MOK: variants seen among roughly 807,000 people sequenced by gnomAD.
MOK encodes the protein MAPK/MAK/MRK overlapping kinase.
In MOK, 59 loss-of-function variants were observed where a neutral mutation model predicts 54.2. That is an observed-to-expected ratio of 1.09 (90% CI 0.88 to 1.35). The LOEUF is 1.35. MOK is among the 40% of genes most tolerant of loss of function. The pLI, the probability that MOK is intolerant of heterozygous loss-of-function variation, is 0.00. For missense variants in MOK, 517 were observed against 526.2 expected, an observed-to-expected ratio of 0.98 and a Z score of 0.17; for synonymous variants, 210 against 202.7, an observed-to-expected ratio of 1.04 and a Z score of -0.31.
At chr14:102,268,106 C>T (rs1237760325) in intron 2 of MOK, among the ~76,000 whole-genome samples, 1 of 152,116 alleles carries the variant, frequency 6.6e-6, no homozygotes, top group Non-Finnish European at 1.5e-5. Flanking sequence ...AACCGGGCAG[C>T]CAAACAGCTA....
chr14:102,300,465 C>G (rs745423449), intron 1 of MOK, among the ~76,000 whole-genome samples: 4 of 151,758 alleles, frequency 2.6e-5, no homozygotes, highest in Non-Finnish European at 5.9e-5. Context: ...GGGAGGATTG[C>G]CTGAGCCCAG....
At position 102,265,830 on chromosome 14, in the gene MOK, C is replaced by T; in HGVS notation, c.205G>A (p.Val69Met). 1 of 1,613,390 alleles carries T rather than the reference C, an allele frequency of 6.2e-7. No homozygotes were observed. The highest frequency in any genetic ancestry group is 8.5e-7 in the Non-Finnish European group (1 of 1,179,426). ...PHPNILMLHEVVFDRKSGSLA... is the reference protein window; with the variant it reads ...PHPNILMLHEMVFDRKSGSLA... ...AGCTCCAAATATACTTACAAAACCA[C>T]TTCATGCAACATAAGAATGTTTGGG... Residue 69 changes from valine to methionine, a missense_variant, in exon 3 of 12, where the codon GTG becomes ATG. Physicochemically the swap from Val to Met is conservative, Grantham distance 21. Transcript: ENST00000361847.
At chr14:102,301,231 A>C (rs2072156305) in intron 1 of MOK, among the ~76,000 whole-genome samples, 1 of 152,224 alleles carries the variant, frequency 6.6e-6, no homozygotes, top group Non-Finnish European at 1.5e-5. Context: ...TGTTCCTTTA[A>C]GCCACAAAAT....
downstream of MOK, among the ~76,000 whole-genome samples, chr14:102,227,519 A>G (rs2064298814): frequency 6.6e-6 from 1 of 152,082 alleles, no homozygotes; most frequent in Non-Finnish European, 1.5e-5. Context: ...AGGGTCTCAA[A>G]TGGGTTTAAA....
intron 1 of MOK, among the ~76,000 whole-genome samples, chr14:102,297,497 T>C (rs2071564621): frequency 6.6e-6 from 1 of 152,266 alleles, no homozygotes; most frequent in African/African-American, 2.4e-5. Context: ...GATAGCGTGC[T>C]GGCAGCCCTT....
At chr14:102,271,568 T>C (rs1416922632) in intron 2 of MOK, among the ~76,000 whole-genome samples, 1 of 151,600 alleles carries the variant, frequency 6.6e-6, no homozygotes, top group African/African-American at 2.4e-5. Flanking sequence ...AACAAAAACT[T>C]TTTTTTTTAA....
chr14:102,229,130 G>T lies in MOK; in HGVS notation c.*159C>A, dbSNP rs975954054. On this transcript the variant is annotated 3_prime_UTR_variant, in exon 12 of 12. Transcript: ENST00000361847. Reference sequence around the variant, plus strand: ...ATCCTAGGCAGCTGCGCGGGCCGCGGGTGCGGCAGGGCGCAGGGCAGCACC... The same window carrying T: ...ATCCTAGGCAGCTGCGCGGGCCGCGTGTGCGGCAGGGCGCAGGGCAGCACC... 1.0e-5 allele frequency: 7 copies of T among 701,870 alleles called. No homozygotes were observed. Among genetic ancestry groups the T allele is most frequent in the African/African-American group, 3.6e-5 (2 of 55,512 alleles). The allele number at this position is 701,870 out of a possible 1,614,324, so 43.5% of individuals were successfully genotyped here.
At chr14:102,304,648 C>T (rs781594683) in intron 1 of MOK, among the ~76,000 whole-genome samples, 2 of 152,226 alleles carry the variant, frequency 1.3e-5, no homozygotes, top group Non-Finnish European at 2.9e-5. Context: ...GAATCACAGT[C>T]AACTCCCTAA....
chr14:102,226,192 C>G, downstream of MOK: 2 of 610,916 alleles, frequency 3.3e-6, no homozygotes, highest in Non-Finnish European at 2.9e-6. The surrounding 1 kb of genome is among the most constrained non-coding windows in gnomAD (Gnocchi z 4.8). Context: ...AAGGCCTGCC[C>G]CCGCCAGTGT....
intron 7 of MOK, among the ~76,000 whole-genome samples, chr14:102,244,223 A>C (rs2065923307): frequency 1.3e-5 from 2 of 152,292 alleles, no homozygotes; most frequent in East Asian, 1.9e-4. Flanking sequence ...GTAGCTAAAG[A>C]AGCAGCTAGC....
rs2067116765 is a variant in MOK at position 102,258,118 on chromosome 14, AAAC to A, written c.283+5425_283+5427del. ...TCTGGTCTGCAATATATTAGAAATA[AAAC>A]AACTGGTCTTCTGTGATCGTTTTGG... On this transcript the variant is annotated intron_variant, in intron 4 of 11. Coordinates refer to ENST00000361847, the MANE Select transcript of MOK (RefSeq NM_014226.3). Among the ~76,000 whole-genome samples, 7 of 152,358 alleles carry A rather than the reference AAAC, an allele frequency of 4.6e-5. No individual in the cohort carries two copies. In the South Asian group the frequency reaches 1.4e-3, roughly 32 times the overall value.
the MOK span, among the ~76,000 whole-genome samples, chr14:102,216,774 A>T: frequency 6.6e-6 from 1 of 152,150 alleles, no homozygotes; most frequent in African/African-American, 2.4e-5. Context: ...TACTAAAAAT[A>T]CAAAAATTAG....
downstream of MOK, among the ~76,000 whole-genome samples, chr14:102,220,649 G>C (rs1030157151): frequency 1.3e-5 from 2 of 150,254 alleles, no homozygotes; most frequent in Non-Finnish European, 2.9e-5. The surrounding 1 kb of genome is among the most constrained non-coding windows in gnomAD (Gnocchi z 4.2). Context: ...GAACCCAGGA[G>C]GTGGAGCTTG....
intron 4 of MOK, among the ~76,000 whole-genome samples, chr14:102,256,392 G>A (rs915823538): frequency 7.5e-5 from 11 of 147,422 alleles, no homozygotes; most frequent in African/African-American, 2.4e-4. Context: ...GTGAAACCCC[G>A]TCTCTACTAA....
chr14:102,299,181 C>T (rs1208191318), intron 1 of MOK, among the ~76,000 whole-genome samples: 4 of 151,972 alleles, frequency 2.6e-5, no homozygotes, highest in Non-Finnish European at 5.9e-5. Flanking sequence ...AAAAAAAAGA[C>T]AGTTTAAACC....
the MOK span, among the ~76,000 whole-genome samples, chr14:102,217,051 C>T: frequency 1.3e-5 from 2 of 152,230 alleles, no homozygotes; most frequent in African/African-American, 4.8e-5. Context: ...CCTACCACCC[C>T]TTCCAGGGTC....
intron 4 of MOK, among the ~76,000 whole-genome samples, chr14:102,263,086 G>A (rs1162352903): frequency 6.6e-6 from 1 of 152,228 alleles, no homozygotes; most frequent in Non-Finnish European, 1.5e-5. Flanking sequence ...CAGAAAAAAG[G>A]AAATGAACGA....
Position 102,229,298 on chromosome 14 carries a change from G to A in MOK, c.1251C>T (p.Gly417=). 9.4e-6 allele frequency: 15 copies of A among 1,604,086 alleles called. No individual in the cohort carries two copies. The highest frequency in any genetic ancestry group is 2.2e-5 in the East Asian group (1 of 44,772). The change falls in exon 12 of 12, where the codon GGC becomes GGT. Residue 417 remains glycine, a synonymous_variant. Coordinates refer to ENST00000361847, the MANE Select transcript of MOK (RefSeq NM_014226.3). ...QCRLPTIVRK[G]GR ...CGACGGTGCTGCTCAGTTATCTTCC[G>A]CCTTTCCGCACTATGGTGGGCAGGC...
chr14:102,224,412 C>T (rs1039512601), downstream of MOK: 2 of 371,884 alleles, frequency 5.4e-6, no homozygotes, highest in African/African-American at 4.2e-5. Context: ...CACACCTGCT[C>T]AGCGAGTTAC....
Sources: allele counts gnomAD v4.1 joint callset (sites outside exome capture counted in the v4.1 genomes callset), GRCh38; gene constraint gnomAD v4.1.1; non-coding constraint Gnocchi (gnomAD v3.1); transcripts MANE v1.5; gene names NCBI Gene and HGNC (gene_info 2026-07-23, HGNC 2026-07-21).